ZHX3: variants seen among roughly 807,000 people sequenced by gnomAD.
The protein encoded by ZHX3 is zinc fingers and homeoboxes protein 3.
ZHX3 carries 20 observed loss-of-function variants against 64.5 expected under a neutral mutation model. The ratio of observed to expected loss-of-function variants is 0.31; its 90% CI spans 0.22 to 0.45. The LOEUF is 0.45. Among genes scored for constraint, ZHX3 ranks in the 20% least tolerant of loss-of-function variants. The probability of loss-of-function intolerance (pLI) is 1.00; values close to 1 mark genes in which losing one functional copy is unlikely to be tolerated. For synonymous variants in ZHX3, 423 were observed against 461.6 expected (o/e 0.92, Z 1.07); for missense variants, 1,041 against 1,195.8 (o/e 0.87, Z 1.91).
At chr20:41,237,309 C>T (rs2041072721) in intron 2 of ZHX3, among the ~76,000 whole-genome samples, 1 of 152,138 alleles carries the variant, frequency 6.6e-6, no homozygotes. Context: ...AAGACACATG[C>T]ACATGTATGT....
chr20:41,245,054 G>A (rs2041608176), intron 2 of ZHX3, among the ~76,000 whole-genome samples: 1 of 152,202 alleles, frequency 6.6e-6, no homozygotes, highest in Non-Finnish European at 1.5e-5. Context: ...ACAAGGTAAA[G>A]CTGAGGCTGG....
chr20:41,204,831 G>C lies in ZHX3; in HGVS notation c.86C>G (p.Pro29Arg). The C allele has an allele frequency of 2.5e-6, 4 of 1,605,380 alleles. No homozygotes were observed. The highest frequency in any genetic ancestry group is 3.4e-6 in the Non-Finnish European group (4 of 1,175,116). Residue 29 changes from proline to arginine, a missense_variant, in exon 3 of 4, where the codon CCC (proline) becomes CGC (arginine). Coordinates refer to ENST00000683867, the MANE Select transcript of ZHX3 (RefSeq NM_001384317.1). This position sits in a 1 kb window ranked among gnomAD's most constrained non-coding sequence, Gnocchi z 6.6. ...GGGTCCTTCAGGCAAGGTCTCAGCG[G>C]GCTGGGCCTCCATGCTGGCATCTTG... ...VLQDASMEAQ[P>R]AETLPEGPQQ...
chr20:41,208,058 A>G (rs2038867948), intron 2 of ZHX3, among the ~76,000 whole-genome samples: 1 of 152,378 alleles, frequency 6.6e-6, no homozygotes, highest in South Asian at 2.1e-4. Context: ...AGAATACTAT[A>G]AATACCTCTA....
chr20:41,232,045 T>C lies in ZHX3; in HGVS notation c.-150-26979A>G, dbSNP rs535456881. Reference sequence around the variant, plus strand: ...GCTGACAGCCCAGACCCCACCAAAATAGAGGCAGTGAAACAGCCTTTGAAG... The same window carrying C: ...GCTGACAGCCCAGACCCCACCAAAACAGAGGCAGTGAAACAGCCTTTGAAG... On this transcript the variant is annotated intron_variant, in intron 2 of 3. Coordinates refer to ENST00000683867, the MANE Select transcript of ZHX3 (RefSeq NM_001384317.1). This position sits in a 1 kb window ranked among gnomAD's most constrained non-coding sequence, Gnocchi z 5.0. 6.6e-5 allele frequency among the ~76,000 whole-genome samples: 10 copies of C among 152,122 alleles called. No homozygotes were observed. Among genetic ancestry groups the C allele is most frequent in the South Asian group, 2.1e-4 (1 of 4,818 alleles).
At chr20:41,188,396 A>ACCCC (rs1568781973) in intron 3 of ZHX3, 1 of 60,170 alleles carries the variant, frequency 1.7e-5, no homozygotes, top group African/African-American at 6.4e-5. Flanking sequence ...TTGTCCCCCC[A>ACCCC]CCCACCCCCA....
chr20:41,254,810 G>A (rs1022297695), intron 2 of ZHX3, among the ~76,000 whole-genome samples: 1 of 152,162 alleles, frequency 6.6e-6, no homozygotes, highest in Non-Finnish European at 1.5e-5. Context: ...ACATAATGAT[G>A]AATGCCTAAG....
intron 2 of ZHX3, among the ~76,000 whole-genome samples, chr20:41,261,995 C>T (rs187080622): frequency 1.3e-5 from 2 of 152,350 alleles, no homozygotes; most frequent in Admixed American, 6.5e-5. Flanking sequence ...GTTCCACCAT[C>T]TATCACCACC....
chr20:41,227,570 G>A (rs963913723), intron 2 of ZHX3, among the ~76,000 whole-genome samples: 4 of 152,198 alleles, frequency 2.6e-5, no homozygotes, highest in African/African-American at 7.2e-5. Flanking sequence ...CTGCAAGATA[G>A]TTAGCATATT....
In ZHX3 at chr20:41,200,100, G is replaced by A. The variant is rs186395285; in HGVS notation, c.2860+1957C>T. Among the ~76,000 whole-genome samples the A allele has an allele frequency of 5.9e-4, 77 of 130,782 alleles. 2 individuals carry two copies. In the South Asian group the frequency reaches 0.016, roughly 27 times the overall value. The allele number at this position is 130,782 out of a possible 152,430, so 85.8% of individuals were successfully genotyped here. A position where few individuals can be genotyped will look rare whatever the true frequency, so the allele number is the denominator to read the frequency against. On this transcript the variant is annotated intron_variant, in intron 3 of 3. Transcript: ENST00000683867. The surrounding 1 kb of genome is among the most constrained non-coding windows in gnomAD (Gnocchi z 4.2). ...CACAGTTGCCTGCTGCAGAGCTTGC[G>A]GATGCTGAAACAAAAAAAAACCATC...
chr20:41,281,003 T>C (rs1201508593), intron 1 of ZHX3, among the ~76,000 whole-genome samples: 1 of 152,032 alleles, frequency 6.6e-6, no homozygotes, highest in Non-Finnish European at 1.5e-5. Context: ...GTTTACATGA[T>C]GTATAACAAT....
In ZHX3 at chr20:41,182,530, G is replaced by GC. The variant is rs1483129528; in HGVS notation, c.*2660dup. 4.6e-5 allele frequency: 7 copies of GC among 152,224 alleles called. No individual in the cohort carries two copies. The highest frequency in any genetic ancestry group is 9.6e-5 in the African/African-American group (4 of 41,456). 9.4% of individuals were successfully genotyped at this position (152,224 alleles called of 1,614,324 possible). On this transcript the variant is annotated 3_prime_UTR_variant, in exon 4 of 4. Transcript: ENST00000683867. This position sits in a 1 kb window ranked among gnomAD's most constrained non-coding sequence, Gnocchi z 6.1. ...CACGACTGGCTGGATTCAGGGTTTT[G>GC]CCCCCAAACCCTTGAGTACCTCCTA...
At chr20:41,244,270 A>T (rs979211351) in intron 2 of ZHX3, among the ~76,000 whole-genome samples, 1 of 152,180 alleles carries the variant, frequency 6.6e-6, no homozygotes, top group Non-Finnish European at 1.5e-5. Context: ...GAGGCTGGGG[A>T]GGTGCAGAGC....
intron 1 of ZHX3, among the ~76,000 whole-genome samples, chr20:41,292,013 TAAAAAAAAAAAAA>T (rs61168786): frequency 1.1e-5 from 1 of 94,722 alleles, no homozygotes; most frequent in African/African-American, 3.8e-5. Context: ...ACCTCATCTT[TAAAAAAAAAAAAA>T]AAAAAAAAAA....
In ZHX3 at chr20:41,180,373, C is replaced by G. The variant is rs2036204320; in HGVS notation, c.*4818G>C. ...AGGGGGTGCTTTCCCCTGTCCTTGT[C>G]CATATGGTAACCAGGGTCTGCCTAG... is the stretch of plus-strand genomic sequence containing the variant. On this transcript the variant is annotated 3_prime_UTR_variant, in exon 4 of 4. Transcript: ENST00000683867. 6.6e-6 allele frequency: 1 copy of G among 152,428 alleles called. No homozygotes were observed. Among genetic ancestry groups the G allele is most frequent in the Non-Finnish European group, 1.5e-5 (1 of 68,082 alleles). 9.4% of individuals were successfully genotyped at this position (152,428 alleles called of 1,614,324 possible).
Position 41,223,693 on chromosome 20 carries a change from A to C in ZHX3, c.-150-18627T>G, listed in dbSNP as rs368050020. Among the ~76,000 whole-genome samples the C allele has an allele frequency of 2.5e-4, 38 of 152,328 alleles. No homozygotes were observed. The East Asian group carries it at 4.6e-3, about 19-fold the overall frequency. On this transcript the variant is annotated intron_variant, in intron 2 of 3. Transcript: ENST00000683867. ...AAGCTTTTCCCTGTAGCCCCTTTTA[A>C]ATTCTGAACAATGTTAATGTGCTAT...
intron 1 of ZHX3, among the ~76,000 whole-genome samples, chr20:41,274,096 GA>G (rs1425967558): frequency 6.6e-6 from 1 of 152,114 alleles, no homozygotes; most frequent in Non-Finnish European, 1.5e-5. Context: ...TCACAAATAT[GA>G]AGTTTATACT....
chr20:41,247,581 C>T (rs1568890857), intron 2 of ZHX3, among the ~76,000 whole-genome samples: 1 of 152,122 alleles, frequency 6.6e-6, no homozygotes, highest in Non-Finnish European at 1.5e-5. Flanking sequence ...AATTAAGTAG[C>T]ATGTTCAGGC....
chr20:41,299,056 T>TC lies in ZHX3; in HGVS notation c.-245+18452dup, dbSNP rs1431198077. Among the ~76,000 whole-genome samples the TC allele has an allele frequency of 2.0e-5, 3 of 152,264 alleles. No homozygotes were observed. In the East Asian group the frequency reaches 5.8e-4, roughly 29 times the overall value. The stretch of plus-strand genomic sequence containing the variant: ...TACCTGAAAGTCTGCAATCCTAATG[T>TC]CTTATTTGGACACCAGAAATAAACA... On this transcript the variant is annotated intron_variant, in intron 1 of 3. Transcript: ENST00000683867.
Position 41,193,582 on chromosome 20 carries a change from G to A in ZHX3, c.2861-8381C>T, listed in dbSNP as rs372805045. ...GTAGTGGGACTACAGTTATGTCACT[G>A]TGCCCAGCTAAATACAAATGATTTT... On this transcript the variant is annotated intron_variant, in intron 3 of 3. Transcript: ENST00000683867. Among the ~76,000 whole-genome samples the A allele has an allele frequency of 5.1e-4, 77 of 152,068 alleles. 1 individual carries two copies. Among genetic ancestry groups the A allele is most frequent in the East Asian group, 4.8e-3 (25 of 5,188 alleles).
Sources: allele counts gnomAD v4.1 joint callset (sites outside exome capture counted in the v4.1 genomes callset), GRCh38; gene constraint gnomAD v4.1.1; non-coding constraint Gnocchi (gnomAD v3.1); transcripts MANE v1.5; gene names NCBI Gene and HGNC (gene_info 2026-07-23, HGNC 2026-07-21).